CD109: variants seen among roughly 807,000 people sequenced by gnomAD.
CD109 encodes the protein CD109 antigen.
Under a neutral mutation model 165.8 loss-of-function variants are expected in CD109, and 149 were observed. The ratio of observed to expected loss-of-function variants is 0.90; its 90% CI spans 0.79 to 1.03. The LOEUF is 1.03. CD109 is among the 50% of genes least tolerant of loss of function. CD109 has a pLI of 0.00. For synonymous variants in CD109, 585 were observed against 592.1 expected, an observed-to-expected ratio of 0.99 and a Z score of 0.18; for missense variants, 1,712 against 1,677.8, an observed-to-expected ratio of 1.02 and a Z score of -0.36.
chr6:73,789,493 G>T (rs975370067), intron 22 of CD109, among the ~76,000 whole-genome samples: 33 of 150,768 alleles, frequency 2.2e-4, no homozygotes, highest in East Asian at 9.8e-4. Flanking sequence ...TCGCTCTGTC[G>T]CCCAGGCTGG....
chr6:73,753,038 T>C lies in CD109; in HGVS notation c.634-3605T>C, dbSNP rs1773251310. On this transcript the variant is annotated intron_variant, in intron 5 of 32. Transcript: ENST00000287097. ...ACAATTTGGAAATACATTTTATTCC[T>C]TTTTTTAAACTAGAGGTTAGCAAAC... Among the ~76,000 whole-genome samples the C allele has an allele frequency of 2.0e-5, 3 of 152,274 alleles. No homozygotes were observed. In the South Asian group the frequency reaches 6.2e-4, roughly 32 times the overall value.
At chr6:73,807,132 T>C (rs1775594532) in intron 25 of CD109, 60 bp downstream of exon 25, 2 of 1,240,770 alleles carry the variant, frequency 1.6e-6, no homozygotes, top group East Asian at 2.4e-5. Context: ...TAGGTCTTAA[T>C]GGGTCAAATA....
At chr6:73,695,016 G>C (rs948596665), upstream of CD109, 5 of 152,244 alleles carry the variant, frequency 3.3e-5, no homozygotes, top group Admixed American at 1.3e-4. Context: ...CAAGTTTCTG[G>C]ATTCCCCAAA....
chr6:73,733,542 T>C (rs1419424516), intron 4 of CD109, among the ~76,000 whole-genome samples: 1 of 152,246 alleles, frequency 6.6e-6, no homozygotes, highest in Non-Finnish European at 1.5e-5. Context: ...CTAGCCAATT[T>C]GGCCTGACAC....
At chr6:73,800,041 A>T (rs1775307584) in intron 23 of CD109, among the ~76,000 whole-genome samples, 1 of 151,894 alleles carries the variant, frequency 6.6e-6, no homozygotes. Context: ...ATTTTTGTAG[A>T]GACAGGCTTT....
At chr6:73,781,855 C>T (rs2150251124) in intron 17 of CD109, among the ~76,000 whole-genome samples, 1 of 102,824 alleles carries the variant, frequency 9.7e-6, no homozygotes, top group Admixed American at 1.0e-4. Flanking sequence ...AATCTGAGTT[C>T]TTCCTGGGCA....
chr6:73,760,558 A>C (rs149181605), intron 7 of CD109, among the ~76,000 whole-genome samples: 94 of 151,564 alleles, frequency 6.2e-4, no homozygotes, highest in African/African-American at 2.1e-3. Flanking sequence ...TACGAAGCTA[A>C]GTTTGGGCCA....
chr6:73,746,332 C>T (rs764082495), intron 5 of CD109, among the ~76,000 whole-genome samples: 167 of 152,174 alleles, frequency 1.1e-3, no homozygotes, highest in South Asian at 4.2e-4. Flanking sequence ...AGTACCAAGT[C>T]CCTGGGTGGA....
chr6:73,722,891 AC>A (rs1279491314), intron 2 of CD109, among the ~76,000 whole-genome samples: 1 of 152,152 alleles, frequency 6.6e-6, no homozygotes, highest in Non-Finnish European at 1.5e-5. Flanking sequence ...CAAGAAATAA[AC>A]CTCAGACTAC....
chr6:73,794,640 G>A (rs938046642), intron 23 of CD109, among the ~76,000 whole-genome samples: 2 of 152,184 alleles, frequency 1.3e-5, no homozygotes, highest in Admixed American at 1.3e-4. Flanking sequence ...CAGTGTATGA[G>A]ATCACAAACC....
At chr6:73,707,489 C>A (rs2150152030) in intron 2 of CD109, among the ~76,000 whole-genome samples, 1 of 152,174 alleles carries the variant, frequency 6.6e-6, no homozygotes, top group Middle Eastern at 3.4e-3. Flanking sequence ...CTGGGTCTGT[C>A]CTGCACTGTT....
In CD109 at chr6:73,818,417, C is replaced by A; in HGVS notation, c.3941C>A (p.Ala1314Asp). The change falls in exon 31 of 33, where the codon GCT (alanine) becomes GAT (aspartate). Residue 1314 changes from alanine to aspartate, a missense_variant. Coordinates refer to ENST00000287097, the MANE Select transcript of CD109 (RefSeq NM_133493.5). ...TCGGGCCCGGGTAGGAGTGGCATGG[C>A]TCTTATGGAAGTTAACCTATTAAGT... ...SFSGPGRSGM[A>D]LMEVNLLSGF... The A allele has an allele frequency of 6.8e-6, 11 of 1,613,842 alleles. No individual in the cohort carries two copies. The highest frequency in any genetic ancestry group is 9.3e-6 in the Non-Finnish European group (11 of 1,179,934).
rs1774782947 is a variant in CD109 at position 73,788,459 on chromosome 6, T to C, written c.2557-9T>C. ...AGACCATGTTAATTGTGTTCATTTT[T>C]TTCAACAGGCTGAAGGAATAGAAAA... On this transcript the variant is annotated splice_polypyrimidine_tract_variant and intron_variant, in intron 21 of 32. Coordinates refer to ENST00000287097, the MANE Select transcript of CD109 (RefSeq NM_133493.5). The C allele has an allele frequency of 6.2e-7, 1 of 1,607,390 alleles. No homozygotes were observed. Among genetic ancestry groups the C allele is most frequent in the Admixed American group, 1.7e-5 (1 of 57,698 alleles).
intron 5 of CD109, among the ~76,000 whole-genome samples, chr6:73,737,401 A>G (rs774757225): frequency 6.6e-6 from 1 of 152,200 alleles, no homozygotes; most frequent in African/African-American, 2.4e-5. Context: ...GCCACCCTGC[A>G]TCTTTATGGG....
chr6:73,740,472 C>A (rs905641098), intron 5 of CD109, among the ~76,000 whole-genome samples: 4 of 152,038 alleles, frequency 2.6e-5, no homozygotes, highest in Non-Finnish European at 5.9e-5. Flanking sequence ...ACCGTGTTAA[C>A]CTTTCTGGAT....
intron 5 of CD109, among the ~76,000 whole-genome samples, chr6:73,748,077 C>T (rs953486305): frequency 6.6e-6 from 1 of 152,014 alleles, no homozygotes; most frequent in Non-Finnish European, 1.5e-5. Flanking sequence ...ACCATGTTGC[C>T]CAGGCTGGTC....
In CD109 at chr6:73,782,639, G is replaced by A; in HGVS notation, c.1989G>A (p.Arg663=). ...ATGACAATGCAGAATATGCTGAGAG[G>A]TTTATGGAGGAAAATGAAGGACATA... ...GVYDNAEYAE[R]FMEENEGHIV... is the part of the protein sequence containing the mutation. The change falls in exon 18 of 33, where the codon AGG becomes AGA. Residue 663 remains arginine (R), a synonymous_variant. Transcript: ENST00000287097. 1 of 1,613,702 alleles carries A rather than the reference G, an allele frequency of 6.2e-7. No homozygotes were observed. The highest frequency in any genetic ancestry group is 8.5e-7 in the Non-Finnish European group (1 of 1,179,742).
chr6:73,800,575 C>G (rs1775325819), intron 23 of CD109, among the ~76,000 whole-genome samples: 1 of 152,114 alleles, frequency 6.6e-6, no homozygotes, highest in Non-Finnish European at 1.5e-5. Context: ...TACAGCTCAC[C>G]CAACAGAAGG....
At chr6:73,815,439 A>G (rs1195853535) in intron 30 of CD109, among the ~76,000 whole-genome samples, 1 of 152,186 alleles carries the variant, frequency 6.6e-6, no homozygotes, top group Non-Finnish European at 1.5e-5. Flanking sequence ...TACTTCAAAA[A>G]TGGTTATTTC....
Sources: allele counts gnomAD v4.1 joint callset (sites outside exome capture counted in the v4.1 genomes callset), GRCh38; gene constraint gnomAD v4.1.1; transcripts MANE v1.5; gene names NCBI Gene and HGNC (gene_info 2026-07-23, HGNC 2026-07-21).